SLC4A1AP: variants seen among roughly 807,000 people sequenced by gnomAD.
The protein encoded by SLC4A1AP is solute carrier family 4 member 1 adaptor protein.
Under a neutral mutation model 89.7 loss-of-function variants are expected in SLC4A1AP, and 64 were observed. The observed-to-expected ratio is 0.71, with a 90% CI of 0.58 to 0.88. SLC4A1AP has a LOEUF of 0.88. Among genes scored for constraint, SLC4A1AP ranks in the 40% least tolerant of loss-of-function variants. SLC4A1AP has a pLI of 0.00. For synonymous variants in SLC4A1AP, 366 were observed against 353.3 expected, an observed-to-expected ratio of 1.04 and a Z score of -0.40; for missense variants, 931 against 965.0, an observed-to-expected ratio of 0.96 and a Z score of 0.47.
chr2:27,664,100 C>T, exon 1 of SLC4A1AP: 2 of 1,614,154 alleles, frequency 1.2e-6, no homozygotes, highest in Non-Finnish European at 1.7e-6. Context: ...CTGGGGAGCC[C>T]GACATCCCTC....
At position 27,667,369 on chromosome 2, in the gene SLC4A1AP, C is replaced by T. The variant is rs200421760; in HGVS notation, c.1123C>T (p.Gln375Ter). 1 of 1,612,800 alleles carries T rather than the reference C, an allele frequency of 6.2e-7. No homozygotes were observed. Among genetic ancestry groups the T allele is most frequent in the Non-Finnish European group, 8.5e-7 (1 of 1,179,406 alleles). ...TATAAAGGATCCCAAAAAGGCTCTC[C>T]AAGGCTTTTTTGACCGAGAAGGTAT... is the stretch of plus-strand genomic sequence containing the variant. The change falls in exon 3 of 14, where the codon CAA (glutamine) becomes TAA (stop). Residue 375 changes from glutamine (Q) to a stop codon, truncating the protein, a stop_gained. Transcript: ENST00000613058. LOFTEE classifies it high-confidence loss of function.
At chr2:27,678,146 T>C (rs541260475) in intron 8 of SLC4A1AP, among the ~76,000 whole-genome samples, 72 of 152,350 alleles carry the variant, frequency 4.7e-4, no homozygotes, top group African/African-American at 1.7e-3. Flanking sequence ...TATATTGATT[T>C]CTGATTCATT....
chr2:27,664,194 C>A (rs775703256), exon 1 of SLC4A1AP: 4 of 1,614,152 alleles, frequency 2.5e-6, no homozygotes, highest in Non-Finnish European at 3.4e-6. Context: ...CCCTGGCGGT[C>A]CAGCCCGGGC....
intron 5 of SLC4A1AP, among the ~76,000 whole-genome samples, chr2:27,675,078 GA>G (rs1263080652): frequency 6.6e-6 from 1 of 152,114 alleles, no homozygotes; most frequent in Non-Finnish European, 1.5e-5. Flanking sequence ...GAAATTGTGG[GA>G]AAATATACAT....
Position 27,680,211 on chromosome 2 carries a change from A to G in SLC4A1AP, c.1764-2037A>G, listed in dbSNP as rs1209659563. On this transcript the variant is annotated intron_variant, in intron 8 of 13. Coordinates refer to ENST00000613058, the Ensembl canonical transcript of SLC4A1AP. ...CTCTGGAAAGATTCGTTAAAAATTA[A>G]TAATATTGATTGCCAATGGGGAAGG... Among the ~76,000 whole-genome samples the G allele has an allele frequency of 2.0e-5, 3 of 152,170 alleles. No individual in the cohort carries two copies. In the East Asian group the frequency reaches 5.8e-4, roughly 29 times the overall value.
chr2:27,690,699 G>A (rs1303924923), intron 12 of SLC4A1AP, among the ~76,000 whole-genome samples: 1 of 151,874 alleles, frequency 6.6e-6, no homozygotes, highest in Non-Finnish European at 1.5e-5. Context: ...TTGTTGCCCG[G>A]GCTGGTCTCA....
chr2:27,685,256 T>G, exon 10 of SLC4A1AP: 1 of 1,610,202 alleles, frequency 6.2e-7, no homozygotes, highest in Non-Finnish European at 8.5e-7. Context: ...TCTCACACAT[T>G]TTAAAGAAAC....
intron 12 of SLC4A1AP, among the ~76,000 whole-genome samples, chr2:27,689,162 C>T (rs1438687568): frequency 6.6e-6 from 1 of 152,014 alleles, no homozygotes; most frequent in African/African-American, 2.4e-5. Flanking sequence ...TATTTTGTAA[C>T]AGTATATTGA....
At chr2:27,664,555 G>A (rs777717954) in exon 1 of SLC4A1AP, 1 of 1,611,888 alleles carries the variant, frequency 6.2e-7, no homozygotes. Flanking sequence ...TTTGGAGGCA[G>A]CACCCGGCTC....
chr2:27,673,401 TCCCTCCC>T (rs1675460074), intron 5 of SLC4A1AP, among the ~76,000 whole-genome samples: 2 of 2,840 alleles, frequency 7.0e-4, no homozygotes, highest in Non-Finnish European at 1.9e-3. Flanking sequence ...TCCCTTACTT[TCCCTCCC>T]TCCCTCCCTC....
exon 3 of SLC4A1AP, chr2:27,667,364 C>T: frequency 6.2e-7 from 1 of 1,613,052 alleles, no homozygotes; most frequent in Non-Finnish European, 8.5e-7. Context: ...CCCAAAAAGG[C>T]TCTCCAAGGC....
At chr2:27,683,175 A>G (rs990023838) in intron 9 of SLC4A1AP, among the ~76,000 whole-genome samples, 1 of 152,244 alleles carries the variant, frequency 6.6e-6, no homozygotes, top group African/African-American at 2.4e-5. Flanking sequence ...TTATGTAACT[A>G]AGCTGGTAAT....
chr2:27,673,991 TGTGTG>T (rs1314599274), intron 5 of SLC4A1AP, among the ~76,000 whole-genome samples: 2 of 2,796 alleles, frequency 7.2e-4, no homozygotes, highest in Middle Eastern at 0.071. Context: ...ATATACAAGT[TGTGTG>T]TGTGTGTGTG....
chr2:27,689,345 G>A (rs1025760594), intron 12 of SLC4A1AP, among the ~76,000 whole-genome samples: 18 of 152,230 alleles, frequency 1.2e-4, no homozygotes, highest in African/African-American at 4.1e-4. Flanking sequence ...AGGTCCCCAA[G>A]ACCACTCACA....
chr2:27,677,861 A>G lies in SLC4A1AP; in HGVS notation c.1700A>G (p.Glu567Gly), dbSNP rs1372191184. The G allele has an allele frequency of 6.2e-7, 1 of 1,613,630 alleles. No homozygotes were observed. The highest frequency in any genetic ancestry group is 1.3e-5 in the African/African-American group (1 of 74,928). Reference sequence around the variant, plus strand: ...CTGAGAACTTTTGAACTGAGGAAAGAACAACAGAGACTTAAAGGGTTAATA... The same window carrying G: ...CTGAGAACTTTTGAACTGAGGAAAGGACAACAGAGACTTAAAGGGTTAATA... Residue 567 changes from glutamate (E) to glycine (G), a missense_variant, in exon 8 of 14, where the codon GAA becomes GGA. By Grantham distance (98) the Glu-to-Gly change is moderately conservative. Transcript: ENST00000613058.
intron 1 of SLC4A1AP, 119 bp downstream of exon 1, chr2:27,664,696 A>G (rs1312259342): frequency 1.4e-5 from 11 of 760,308 alleles, no homozygotes; most frequent in Non-Finnish European, 2.1e-5. Flanking sequence ...TGAAGGAATC[A>G]AGTCTGGCCT....
chr2:27,679,707 A>G (rs1411424961), intron 8 of SLC4A1AP, among the ~76,000 whole-genome samples: 4 of 152,228 alleles, frequency 2.6e-5, no homozygotes, highest in Non-Finnish European at 5.9e-5. Context: ...AAGATAAGTA[A>G]CAAAAGCAAG....
chr2:27,677,682 A>C, intron 7 of SLC4A1AP, 56 bp from the exon 8 acceptor site: 1 of 1,440,586 alleles, frequency 6.9e-7, no homozygotes, highest in Non-Finnish European at 9.4e-7. Context: ...CTTTGGCTGA[A>C]TTTTAAAATA....
In SLC4A1AP at chr2:27,682,075, G is replaced by GT. The variant is rs776890541; in HGVS notation, c.1764-172dup. ...GTCTGTGACAGTCAGCATTGTTCTTGTCCATTCAAAATCTGTTGGTCTGAA... is the reference window on the plus strand; with the variant it reads ...GTCTGTGACAGTCAGCATTGTTCTTGTTCCATTCAAAATCTGTTGGTCTGAA... On this transcript the variant is annotated intron_variant, in intron 8 of 13. Transcript: ENST00000613058. Among the ~76,000 whole-genome samples the GT allele has an allele frequency of 5.6e-3, 845 of 152,252 alleles. 5 individuals carry two copies. Among genetic ancestry groups the GT allele is most frequent in the Admixed American group, 6.8e-3 (104 of 15,298 alleles).
Sources: allele counts gnomAD v4.1 joint callset (sites outside exome capture counted in the v4.1 genomes callset), GRCh38; gene constraint gnomAD v4.1.1; transcripts MANE v1.5; gene names NCBI Gene and HGNC (gene_info 2026-07-23, HGNC 2026-07-21).